Variants in GPD1L observed in about 807,000 individuals in gnomAD.
GPD1L encodes the protein glycerol-3-phosphate dehydrogenase 1 like, also known as glycerol-3-phosphate dehydrogenase 1-like protein.
In GPD1L, 17 loss-of-function variants were observed where a neutral mutation model predicts 32.9. That is an observed-to-expected ratio of 0.52 (90% CI 0.35 to 0.78). The LOEUF (loss-of-function observed/expected upper bound fraction) is 0.78. Among genes scored for constraint, GPD1L ranks in the 30% least tolerant of loss-of-function variants. The pLI, the probability that GPD1L is intolerant of heterozygous loss-of-function variation, is 0.01. For missense variants in GPD1L, 361 were observed against 447.8 expected (o/e 0.81, Z 1.75); for synonymous variants, 187 against 165.9 (o/e 1.13, Z -0.98).
chr3:32,115,446 C>T (rs1338451727), intron 1 of GPD1L, among the ~76,000 whole-genome samples: 1 of 152,202 alleles, frequency 6.6e-6, no homozygotes, highest in African/African-American at 2.4e-5. Flanking sequence ...CAGCTGGCTT[C>T]ACCTCTCATT....
At position 32,167,058 on chromosome 3, in the gene GPD1L, T is replaced by A. The variant is rs1043400664; in HGVS notation, c.*1148T>A. 6.6e-6 allele frequency: 1 copy of A among 152,108 alleles called. No individual in the cohort carries two copies. Among genetic ancestry groups the A allele is most frequent in the Admixed American group, 6.6e-5 (1 of 15,264 alleles). The allele number at this position is 152,108 out of a possible 1,614,324, so 9.4% of individuals were successfully genotyped here. A position where few individuals can be genotyped will look rare whatever the true frequency, so the allele number is the denominator to read the frequency against. ...GTCCCACCCTGGACTTCTGAAGGGG[T>A]GTGGCATCTGTGTTTCTGATGCTTA... On this transcript the variant is annotated 3_prime_UTR_variant, in exon 8 of 8. Transcript: ENST00000282541.
chr3:32,107,612 AAG>A (rs1700182869), intron 1 of GPD1L, among the ~76,000 whole-genome samples: 1 of 152,064 alleles, frequency 6.6e-6, no homozygotes, highest in Non-Finnish European at 1.5e-5. Context: ...TACAATAGTT[AAG>A]AGTGATGATG....
chr3:32,150,499 T>G (rs897669896), intron 5 of GPD1L, among the ~76,000 whole-genome samples: 1 of 106,254 alleles, frequency 9.4e-6, no homozygotes, highest in African/African-American at 4.1e-5. Context: ...TCTTAACAAC[T>G]TTTTTTTTTT....
intron 1 of GPD1L, among the ~76,000 whole-genome samples, chr3:32,115,090 A>G (rs778447683): frequency 6.6e-6 from 1 of 152,202 alleles, no homozygotes; most frequent in Admixed American, 6.5e-5. Context: ...GCCAGCTTCT[A>G]TTCCTTTATT....
chr3:32,146,277 G>A (rs985385782), intron 4 of GPD1L, among the ~76,000 whole-genome samples: 2 of 151,698 alleles, frequency 1.3e-5, no homozygotes. Context: ...TAGTAGAGAT[G>A]GGGTTTCACC....
At position 32,166,992 on chromosome 3, in the gene GPD1L, G is replaced by A. The variant is rs534049799; in HGVS notation, c.*1082G>A. 1 of 152,408 alleles carries A rather than the reference G, an allele frequency of 6.6e-6. No individual in the cohort carries two copies. The highest frequency in any genetic ancestry group is 1.5e-5 in the Non-Finnish European group (1 of 68,132). The allele number at this position is 152,408 out of a possible 1,614,324, so 9.4% of individuals were successfully genotyped here. On this transcript the variant is annotated 3_prime_UTR_variant, in exon 8 of 8. Coordinates refer to ENST00000282541, the MANE Select transcript of GPD1L (RefSeq NM_015141.4). ...CAGCAGCATCAGCTTCACTTGTGGG[G>A]GGGTGGGGGAAGGGGCGGTCTCAGA...
intron 1 of GPD1L, among the ~76,000 whole-genome samples, chr3:32,122,071 A>G (rs902228617): frequency 9.2e-5 from 14 of 152,108 alleles, no homozygotes; most frequent in Admixed American, 9.2e-4. Context: ...GCGCAGCAGC[A>G]CAGTTACATT....
intron 1 of GPD1L, among the ~76,000 whole-genome samples, chr3:32,113,128 T>G (rs961313311): frequency 2.7e-5 from 4 of 149,548 alleles, no homozygotes; most frequent in African/African-American, 1.0e-4. Flanking sequence ...AAAAATCATC[T>G]CATTCAGTTT....
chr3:32,159,474 A>G (rs1029175280), intron 6 of GPD1L, 94 bp from the exon 7 acceptor site: 4 of 871,050 alleles, frequency 4.6e-6, no homozygotes, highest in East Asian at 2.7e-5. Flanking sequence ...CTAAAAAAAA[A>G]AAAAAAGAAA....
chr3:32,159,149 A>G, intron 6 of GPD1L, 40 bp downstream of exon 6: 1 of 1,453,758 alleles, frequency 6.9e-7, no homozygotes, highest in Non-Finnish European at 9.6e-7. Flanking sequence ...CTCCTTCCTC[A>G]CTTGAGACTC....
rs1168746453 is a variant in GPD1L, at chr3:32,163,806, G to C, written c.960-2008G>C. 2.6e-5 allele frequency among the ~76,000 whole-genome samples: 4 copies of C among 152,308 alleles called. No individual in the cohort carries two copies. In the East Asian group the frequency reaches 5.8e-4, roughly 22 times the overall value. On this transcript the variant is annotated intron_variant, in intron 7 of 7. Transcript: ENST00000282541. Reference sequence around the variant, plus strand: ...CACAGAATGCACTTTGGAAATGATAGTTTTAAAAGTTGGGAGTGCTTTCAG... The same window carrying C: ...CACAGAATGCACTTTGGAAATGATACTTTTAAAAGTTGGGAGTGCTTTCAG...
intron 2 of GPD1L, among the ~76,000 whole-genome samples, chr3:32,131,816 G>A (rs1332310713): frequency 6.6e-6 from 1 of 152,244 alleles, no homozygotes; most frequent in Non-Finnish European, 1.5e-5. Flanking sequence ...CTGCCAGACT[G>A]TTTTACAAAG....
At chr3:32,115,053 A>G (rs1700307507) in intron 1 of GPD1L, among the ~76,000 whole-genome samples, 1 of 152,230 alleles carries the variant, frequency 6.6e-6, no homozygotes, top group East Asian at 1.9e-4. Context: ...AGGAGACCTG[A>G]GCCGGTTGCC....
rs1470184784 is a variant in GPD1L at position 32,160,023 on chromosome 3, A to T, written c.959+349A>T. ...AAAAATTACTTTTTTGTTTTTATTA[A>T]AAAGTATGGTTATGTTATTAAAATG... On this transcript the variant is annotated intron_variant, in intron 7 of 7. Transcript: ENST00000282541. 2.0e-5 allele frequency among the ~76,000 whole-genome samples: 3 copies of T among 152,190 alleles called. No individual in the cohort carries two copies. In the East Asian group the frequency reaches 5.8e-4, roughly 29 times the overall value.
chr3:32,114,649 G>T (rs770521487), intron 1 of GPD1L, among the ~76,000 whole-genome samples: 1 of 152,186 alleles, frequency 6.6e-6, no homozygotes, highest in Non-Finnish European at 1.5e-5. Context: ...TCCGGACTTG[G>T]TTCCTTCCGG....
chr3:32,151,546 C>A, intron 5 of GPD1L: 1 of 263,370 alleles, frequency 3.8e-6, no homozygotes, highest in South Asian at 6.9e-5. Flanking sequence ...GTGGCACAAT[C>A]TCAGCTCAGT....
chr3:32,112,901 T>C (rs567509396), intron 1 of GPD1L, among the ~76,000 whole-genome samples: 1 of 152,318 alleles, frequency 6.6e-6, no homozygotes, highest in South Asian at 2.1e-4. Flanking sequence ...AACTAAGATT[T>C]AGAGAAAACT....
chr3:32,160,983 G>A (rs1701066892), intron 7 of GPD1L, among the ~76,000 whole-genome samples: 2 of 152,198 alleles, frequency 1.3e-5, no homozygotes, highest in African/African-American at 2.4e-5. Flanking sequence ...AGGACTGAAG[G>A]GAGCTGGGCA....
At chr3:32,136,187 A>G (rs1559575681) in intron 2 of GPD1L, among the ~76,000 whole-genome samples, 1 of 152,180 alleles carries the variant, frequency 6.6e-6, no homozygotes, top group Non-Finnish European at 1.5e-5. Flanking sequence ...GGCTTCATCC[A>G]CATGGTAGCC....
Sources: gnomAD v4.1 joint callset for allele counts (sites outside exome capture counted in the v4.1 genomes callset) on GRCh38, gnomAD v4.1.1 for gene constraint, MANE v1.5 for transcripts, NCBI Gene and HGNC (gene_info 2026-07-23, HGNC 2026-07-21) for gene names.